SLC44A5: variants seen among roughly 807,000 people sequenced by gnomAD.
SLC44A5 encodes solute carrier family 44 member 5, also known as choline transporter-like protein 5.
SLC44A5 carries 57 observed loss-of-function variants against 101.8 expected under a neutral mutation model. The ratio of observed to expected loss-of-function variants is 0.56; its 90% CI spans 0.45 to 0.70. The LOEUF (loss-of-function observed/expected upper bound fraction) is 0.70. Among genes scored for constraint, SLC44A5 ranks in the 30% least tolerant of loss-of-function variants. The pLI, the probability that SLC44A5 is intolerant of heterozygous loss-of-function variation, is 0.00. For synonymous variants in SLC44A5, 281 were observed against 290.9 expected, an observed-to-expected ratio of 0.97 and a Z score of 0.35; for missense variants, 737 against 853.1, an observed-to-expected ratio of 0.86 and a Z score of 1.70.
chr1:75,678,264 C>A, the SLC44A5 span, among the ~76,000 whole-genome samples: 1 of 152,168 alleles, frequency 6.6e-6, no homozygotes, highest in African/African-American at 2.4e-5. Flanking sequence ...CCCACCACAG[C>A]TCAAGGAGGC....
chr1:75,568,194 A>C (rs900985075), intron 1 of SLC44A5, among the ~76,000 whole-genome samples: 5 of 152,176 alleles, frequency 3.3e-5, no homozygotes, highest in Admixed American at 6.5e-5. Flanking sequence ...GTAACGTATA[A>C]TTTGTGGGCA....
intron 6 of SLC44A5, among the ~76,000 whole-genome samples, chr1:75,260,903 A>C (rs970709483): frequency 1.3e-5 from 2 of 152,182 alleles, no homozygotes; most frequent in African/African-American, 4.8e-5. Flanking sequence ...TGGAAAGTAG[A>C]CAACATGCTC....
intron 6 of SLC44A5, among the ~76,000 whole-genome samples, chr1:75,261,421 G>A (rs893439017): frequency 6.6e-6 from 1 of 152,072 alleles, no homozygotes; most frequent in Non-Finnish European, 1.5e-5. Context: ...AAATCTAGAA[G>A]AAATGGATAA....
At chr1:75,573,127 C>CA (rs745593621) in intron 1 of SLC44A5, among the ~76,000 whole-genome samples, 1,294 of 16,658 alleles carry the variant, frequency 0.078, 310 homozygotes, top group Non-Finnish European at 0.098. Flanking sequence ...GGCTCCATCT[C>CA]AAAAAAAAAA....
At chr1:75,249,929 C>A (rs1267737279) in intron 7 of SLC44A5, among the ~76,000 whole-genome samples, 1 of 152,092 alleles carries the variant, frequency 6.6e-6, no homozygotes, top group Admixed American at 6.6e-5. Context: ...CTACATTGCT[C>A]AATTCCTTTC....
chr1:75,479,952 A>C (rs1455649446), intron 2 of SLC44A5, among the ~76,000 whole-genome samples: 1 of 152,258 alleles, frequency 6.6e-6, no homozygotes, highest in Admixed American at 6.5e-5. Context: ...CAACCAAAAA[A>C]AGAGAATTTT....
the SLC44A5 span, among the ~76,000 whole-genome samples, chr1:75,616,439 G>A: frequency 2.6e-5 from 4 of 152,210 alleles, no homozygotes; most frequent in African/African-American, 9.6e-5. Flanking sequence ...TCTGCCTCCG[G>A]CCTGCCTTCC....
intron 2 of SLC44A5, among the ~76,000 whole-genome samples, chr1:75,537,802 C>CT (rs1003588781): frequency 2.6e-4 from 39 of 152,114 alleles, no homozygotes; most frequent in African/African-American, 8.9e-4. Context: ...TTCTTTCATT[C>CT]TTTTTTTTCA....
chr1:75,669,991 A>G, the SLC44A5 span, among the ~76,000 whole-genome samples: 1 of 151,980 alleles, frequency 6.6e-6, no homozygotes, highest in Non-Finnish European at 1.5e-5. Context: ...ACATGAGAGA[A>G]GGATAGCACT....
At chr1:75,644,593 C>CA in the SLC44A5 span, among the ~76,000 whole-genome samples, 7 of 150,190 alleles carry the variant, frequency 4.7e-5, no homozygotes, top group Admixed American at 1.3e-4. Flanking sequence ...AAATTAACAA[C>CA]AAAAAAAAGC....
the SLC44A5 span, among the ~76,000 whole-genome samples, chr1:75,625,737 T>C: frequency 6.6e-6 from 1 of 152,184 alleles, no homozygotes; most frequent in African/African-American, 2.4e-5. Context: ...TATTTATTTC[T>C]GGTAGTCTAG....
chr1:75,588,853 A>G (rs1011810142), intron 1 of SLC44A5, among the ~76,000 whole-genome samples: 2 of 152,248 alleles, frequency 1.3e-5, no homozygotes, highest in African/African-American at 4.8e-5. Flanking sequence ...TGAACAAGGC[A>G]TGAAATTTAC....
intron 2 of SLC44A5, among the ~76,000 whole-genome samples, chr1:75,501,401 T>G (rs1364797025): frequency 6.6e-6 from 1 of 152,236 alleles, no homozygotes; most frequent in Non-Finnish European, 1.5e-5. Context: ...CAGATATTTC[T>G]TTGTCAACAG....
chr1:75,215,646 T>A, intron 19 of SLC44A5, 108 bp downstream of exon 19: 1 of 644,624 alleles, frequency 1.6e-6, no homozygotes, highest in Admixed American at 2.6e-5. Context: ...ATCAGCATAG[T>A]GATAAATTCA....
intron 3 of SLC44A5, among the ~76,000 whole-genome samples, chr1:75,381,936 T>C (rs1660943283): frequency 1.2e-5 from 1 of 82,044 alleles, no homozygotes; most frequent in Non-Finnish European, 2.1e-5. Flanking sequence ...CAGTAAACTT[T>C]GTTAATGATT....
the SLC44A5 span, among the ~76,000 whole-genome samples, chr1:75,634,409 A>T: frequency 2.0e-5 from 3 of 152,098 alleles, no homozygotes; most frequent in East Asian, 5.8e-4. Flanking sequence ...CTGACTTCAA[A>T]CTATACTACA....
intron 20 of SLC44A5, 84 bp from the exon 21 acceptor site, chr1:75,214,073 G>A (rs1194469370): frequency 1.2e-6 from 1 of 850,534 alleles, no homozygotes; most frequent in African/African-American, 1.7e-5. Context: ...ATTTTCATGA[G>A]TTTATTTTGG....
chr1:75,316,197 C>T (rs1655672700), intron 4 of SLC44A5, among the ~76,000 whole-genome samples: 1 of 152,252 alleles, frequency 6.6e-6, no homozygotes, highest in African/African-American at 2.4e-5. Context: ...TCCACTCTCA[C>T]ATACAACCTT....
chr1:75,369,087 C>T (rs1283121583), intron 3 of SLC44A5, among the ~76,000 whole-genome samples: 1 of 151,982 alleles, frequency 6.6e-6, no homozygotes, highest in Non-Finnish European at 1.5e-5. Context: ...ATCCATAACT[C>T]ACTGCAGCCT....
Sources: gnomAD v4.1 joint callset for allele counts (sites outside exome capture counted in the v4.1 genomes callset) on GRCh38, gnomAD v4.1.1 for gene constraint, MANE v1.5 for transcripts, NCBI Gene and HGNC (gene_info 2026-07-23, HGNC 2026-07-21) for gene names.